The following NKAIN2 variants were observed in gnomAD, a reference collection of about 807,000 sequenced individuals.
NKAIN2 encodes sodium/potassium transporting ATPase interacting 2.
In NKAIN2, 14 loss-of-function variants were observed where a neutral mutation model predicts 32.6. That is an observed-to-expected ratio of 0.43 (90% CI 0.28 to 0.67). The LOEUF is 0.67. NKAIN2 is among the 30% of genes least tolerant of loss of function. NKAIN2 has a pLI of 0.17. For missense variants in NKAIN2, 198 were observed against 258.3 expected, an observed-to-expected ratio of 0.77 and a Z score of 1.60; for synonymous variants, 80 against 87.2, an observed-to-expected ratio of 0.92 and a Z score of 0.46.
chr6:124,111,850 ATG>A (rs921685204), intron 1 of NKAIN2, among the ~76,000 whole-genome samples: 2 of 150,702 alleles, frequency 1.3e-5, no homozygotes, highest in Non-Finnish European at 1.5e-5. Flanking sequence ...ACAGATTTGT[ATG>A]TGTGTGTGTG....
chr6:124,686,493 A>T (rs1168112016), intron 4 of NKAIN2, among the ~76,000 whole-genome samples: 1 of 151,982 alleles, frequency 6.6e-6, no homozygotes, highest in East Asian at 1.9e-4. Flanking sequence ...AAACAACCAG[A>T]TCTCATAGAA....
intron 1 of NKAIN2, among the ~76,000 whole-genome samples, chr6:124,218,529 G>A (rs756558313): frequency 6.6e-6 from 1 of 152,088 alleles, no homozygotes; most frequent in Non-Finnish European, 1.5e-5. Flanking sequence ...CAGGTCCCAA[G>A]CTGCATCTAT....
At chr6:123,967,220 C>T (rs1183958352) in intron 1 of NKAIN2, among the ~76,000 whole-genome samples, 3 of 152,148 alleles carry the variant, frequency 2.0e-5, no homozygotes, top group Admixed American at 6.5e-5. Flanking sequence ...ATCAGAAATA[C>T]ATTTGTGGGA....
At chr6:124,653,572 G>A (rs1200726777) in intron 3 of NKAIN2, among the ~76,000 whole-genome samples, 1 of 150,816 alleles carries the variant, frequency 6.6e-6, no homozygotes, top group Non-Finnish European at 1.5e-5. Context: ...TGACACAGGA[G>A]AAAATCTAGA....
chr6:123,835,052 G>A (rs1353364365), intron 1 of NKAIN2, among the ~76,000 whole-genome samples: 3 of 152,036 alleles, frequency 2.0e-5, no homozygotes, highest in Non-Finnish European at 2.9e-5. Flanking sequence ...ATCTGGTTTG[G>A]GTATTAGCAC....
intron 1 of NKAIN2, among the ~76,000 whole-genome samples, chr6:123,894,190 C>A (rs1182229299): frequency 6.6e-6 from 1 of 151,924 alleles, no homozygotes; most frequent in Non-Finnish European, 1.5e-5. Flanking sequence ...GCTGGGATAT[C>A]TCTTGAGCCC....
intron 3 of NKAIN2, among the ~76,000 whole-genome samples, chr6:124,552,435 A>T (rs543906079): frequency 6.6e-6 from 1 of 152,314 alleles, no homozygotes; most frequent in East Asian, 1.9e-4. Flanking sequence ...ATCCTTTATA[A>T]TCCAGTAGCT....
intron 3 of NKAIN2, among the ~76,000 whole-genome samples, chr6:124,617,044 G>T (rs1319607551): frequency 2.0e-5 from 3 of 152,132 alleles, no homozygotes; most frequent in Non-Finnish European, 4.4e-5. Context: ...TTGAGTTCAA[G>T]ATCTGTCACT....
intron 2 of NKAIN2, among the ~76,000 whole-genome samples, chr6:124,307,868 A>G (rs1335071051): frequency 6.6e-6 from 1 of 152,234 alleles, no homozygotes; most frequent in Non-Finnish European, 1.5e-5. Flanking sequence ...CTTTCTAATT[A>G]TCAGAATTTA....
At chr6:124,743,417 A>G (rs1164100507) in intron 4 of NKAIN2, among the ~76,000 whole-genome samples, 1 of 149,604 alleles carries the variant, frequency 6.7e-6, no homozygotes, top group Non-Finnish European at 1.5e-5. Flanking sequence ...GTACTTTAAT[A>G]ATTAATAAAT....
intron 1 of NKAIN2, among the ~76,000 whole-genome samples, chr6:123,955,203 AAAAAAAAAAGAAAAAG>A (rs1198413573): frequency 1.3e-5 from 2 of 151,676 alleles, no homozygotes; most frequent in African/African-American, 4.8e-5. Flanking sequence ...AACCAAAAAA[AAAAAAAAAAGAAAAAG>A]AAAAAAGAAA....
intron 3 of NKAIN2, among the ~76,000 whole-genome samples, chr6:124,652,666 G>T (rs1056823211): frequency 6.6e-6 from 1 of 152,108 alleles, no homozygotes; most frequent in Non-Finnish European, 1.5e-5. Flanking sequence ...ATCCATCAAA[G>T]TCCTTCTTGT....
intron 1 of NKAIN2, among the ~76,000 whole-genome samples, chr6:123,940,643 A>G (rs966443611): frequency 6.6e-6 from 1 of 152,038 alleles, no homozygotes; most frequent in Admixed American, 6.6e-5. Flanking sequence ...CTAAACACAG[A>G]AAAGCTACAG....
At chr6:124,044,767 C>A (rs889076506) in intron 1 of NKAIN2, among the ~76,000 whole-genome samples, 1 of 152,056 alleles carries the variant, frequency 6.6e-6, no homozygotes, top group Non-Finnish European at 1.5e-5. Flanking sequence ...AACCTTTCTT[C>A]TGAGTGCAGA....
chr6:124,292,789 G>C (rs907593432), intron 2 of NKAIN2, among the ~76,000 whole-genome samples: 8 of 152,022 alleles, frequency 5.3e-5, no homozygotes, highest in Non-Finnish European at 1.0e-4. Context: ...TCCCTATACT[G>C]TGTCAGTTTA....
At chr6:124,550,834 G>A (rs1376371823) in intron 3 of NKAIN2, among the ~76,000 whole-genome samples, 6 of 152,078 alleles carry the variant, frequency 3.9e-5, no homozygotes, top group South Asian at 2.1e-4. Flanking sequence ...TTTTGATTTC[G>A]GTAGAAAATG....
intron 4 of NKAIN2, among the ~76,000 whole-genome samples, chr6:124,747,883 T>C (rs1777516354): frequency 6.6e-6 from 1 of 151,934 alleles, no homozygotes; most frequent in Non-Finnish European, 1.5e-5. Flanking sequence ...CTCTTCCCTT[T>C]CTTCCCTCTA....
At chr6:124,530,726 T>G (rs923692813) in intron 3 of NKAIN2, among the ~76,000 whole-genome samples, 1 of 152,214 alleles carries the variant, frequency 6.6e-6, no homozygotes, top group Non-Finnish European at 1.5e-5. Flanking sequence ...TGGTGGGAGC[T>G]GCCGTATAAC....
At chr6:124,794,772 A>C (rs932995969) in intron 5 of NKAIN2, 3 of 373,736 alleles carry the variant, frequency 8.0e-6, no homozygotes, top group African/African-American at 6.6e-5. Context: ...GACAGTTATG[A>C]GTATCTTTTG....
Sources: allele counts gnomAD v4.1 joint callset (sites outside exome capture counted in the v4.1 genomes callset), GRCh38; gene constraint gnomAD v4.1.1; transcripts MANE v1.5; gene names NCBI Gene and HGNC (gene_info 2026-07-23, HGNC 2026-07-21).